NLGN1: variants seen among roughly 807,000 people sequenced by gnomAD.
The protein encoded by NLGN1 is neuroligin-1.
In NLGN1, 12 loss-of-function variants were observed where a neutral mutation model predicts 65.5. The ratio of observed to expected loss-of-function variants is 0.18; its 90% confidence interval spans 0.12 to 0.30. The LOEUF (loss-of-function observed/expected upper bound fraction) is 0.30, where lower values mean the gene tolerates loss of function less well. Ranked by LOEUF, NLGN1 falls within the 10% of genes least tolerant of loss-of-function variation. The pLI is 1.00. For synonymous variants in NLGN1, 350 were observed against 359.5 expected (o/e 0.97, Z 0.30); for missense variants, 750 against 1,007.1 (o/e 0.74, Z 3.46).
intron 4 of NLGN1, among the ~76,000 whole-genome samples, chr3:173,862,737 T>A (rs1015323705): frequency 6.6e-6 from 1 of 152,096 alleles, no homozygotes; most frequent in Non-Finnish European, 1.5e-5. Context: ...CTTCAATGCA[T>A]TGATAATATA....
intron 4 of NLGN1, among the ~76,000 whole-genome samples, chr3:174,183,167 T>A (rs1730760387): frequency 6.6e-6 from 1 of 152,060 alleles, no homozygotes; most frequent in Non-Finnish European, 1.5e-5. Flanking sequence ...CCCGTCCCCA[T>A]TGTCTACTAG....
intron 4 of NLGN1, among the ~76,000 whole-genome samples, chr3:173,847,293 A>G (rs895074242): frequency 2.0e-4 from 31 of 151,334 alleles, no homozygotes; most frequent in African/African-American, 7.1e-4. Context: ...TTGTTTTGCT[A>G]TTTTTTTGGT....
intron 3 of NLGN1, among the ~76,000 whole-genome samples, chr3:173,747,801 CTTTTTTTTTTTTTTTTT>C (rs749749824): frequency 7.8e-5 from 5 of 64,422 alleles, no homozygotes; most frequent in African/African-American, 2.5e-4. Flanking sequence ...TCTTCTTGTT[CTTTTTTTTTTTTTTTTT>C]TTTTTTTTTT....
intron 4 of NLGN1, among the ~76,000 whole-genome samples, chr3:174,112,045 CA>C (rs1301762226): frequency 6.6e-6 from 1 of 151,938 alleles, no homozygotes; most frequent in African/African-American, 2.4e-5. Flanking sequence ...ATGCATAAGA[CA>C]AACAGAAGTT....
At chr3:174,254,691 C>CA (rs926780049) in intron 4 of NLGN1, among the ~76,000 whole-genome samples, 2 of 151,412 alleles carry the variant, frequency 1.3e-5, no homozygotes, top group African/African-American at 4.9e-5. Flanking sequence ...TCTACCAATA[C>CA]AAAAAAAATT....
At chr3:174,208,118 A>T (rs1288313957) in intron 4 of NLGN1, among the ~76,000 whole-genome samples, 1 of 152,194 alleles carries the variant, frequency 6.6e-6, no homozygotes, top group African/African-American at 2.4e-5. Flanking sequence ...GCTCCCCATT[A>T]TTTCCAGGTC....
chr3:173,832,722 A>AT (rs1722857509), intron 4 of NLGN1, among the ~76,000 whole-genome samples: 1 of 152,214 alleles, frequency 6.6e-6, no homozygotes, highest in Admixed American at 6.5e-5. Flanking sequence ...ACTAGTTTTT[A>AT]TTTTTAAAGT....
At chr3:173,638,129 T>C (rs571172104) in intron 3 of NLGN1, among the ~76,000 whole-genome samples, 1 of 152,292 alleles carries the variant, frequency 6.6e-6, no homozygotes, top group South Asian at 2.1e-4. Context: ...GTTCACTTTT[T>C]TTTCAGTATA....
intron 3 of NLGN1, among the ~76,000 whole-genome samples, chr3:173,716,739 C>CGGCAA (rs1769915803): frequency 1.6e-5 from 2 of 121,776 alleles, no homozygotes; most frequent in Admixed American, 8.8e-5. Flanking sequence ...AAAGAGAAAG[C>CGGCAA]TGCATAATGT....
chr3:173,531,067 A>G (rs1454147035), intron 2 of NLGN1, among the ~76,000 whole-genome samples: 1 of 152,096 alleles, frequency 6.6e-6, no homozygotes, highest in African/African-American at 2.4e-5. Flanking sequence ...TAGAATATAC[A>G]ATTACTTTAT....
At chr3:173,661,319 A>G (rs541060409) in intron 3 of NLGN1, among the ~76,000 whole-genome samples, 14 of 152,108 alleles carry the variant, frequency 9.2e-5, no homozygotes, top group South Asian at 2.1e-4. Flanking sequence ...GACTGATGTT[A>G]TCCACGTTTT....
At chr3:173,477,498 C>G (rs943082487) in intron 2 of NLGN1, among the ~76,000 whole-genome samples, 18 of 152,078 alleles carry the variant, frequency 1.2e-4, no homozygotes, top group African/African-American at 4.3e-4. Context: ...GAACTATGAT[C>G]CTGCCAGTGC....
chr3:173,974,997 A>G (rs1343221265), intron 4 of NLGN1, among the ~76,000 whole-genome samples: 3 of 152,050 alleles, frequency 2.0e-5, no homozygotes, highest in Non-Finnish European at 2.9e-5. Context: ...TTCAAAATAC[A>G]GTAGTGACCC....
intron 2 of NLGN1, among the ~76,000 whole-genome samples, chr3:173,501,202 A>G (rs746215012): frequency 8.5e-5 from 13 of 152,070 alleles, no homozygotes; most frequent in South Asian, 2.1e-4. Context: ...TCAACCCATC[A>G]TCTAGGTATT....
At chr3:174,011,690 A>T (rs898233923) in intron 4 of NLGN1, among the ~76,000 whole-genome samples, 2 of 152,100 alleles carry the variant, frequency 1.3e-5, no homozygotes, top group African/African-American at 4.8e-5. Flanking sequence ...AATCTTATTT[A>T]TTCATCTGTA....
intron 2 of NLGN1, among the ~76,000 whole-genome samples, chr3:173,518,987 G>A (rs1425591944): frequency 6.6e-6 from 1 of 152,142 alleles, no homozygotes. Context: ...GGGCCCTGCT[G>A]TCCTGCACAG....
rs546272659 is a variant in NLGN1, at chr3:174,000,938, T to C, written c.646+193106T>C. 1.1e-4 allele frequency among the ~76,000 whole-genome samples: 17 copies of C among 152,226 alleles called. No homozygotes were observed. In the East Asian group the frequency reaches 1.2e-3, roughly 10 times the overall value. ...CTGACTTTCTCTGAATCCCAGGTTA[T>C]CCCGGGAGCCCAGTCAAGGACTCCA... On this transcript the variant is annotated intron_variant, in intron 4 of 6. Transcript: ENST00000457714.
At chr3:173,859,019 T>G (rs186773437) in intron 4 of NLGN1, among the ~76,000 whole-genome samples, 2 of 152,128 alleles carry the variant, frequency 1.3e-5, no homozygotes, top group Non-Finnish European at 2.9e-5. Context: ...TGTTTCTCTC[T>G]GTATTAAAAT....
intron 3 of NLGN1, among the ~76,000 whole-genome samples, chr3:173,760,112 T>C (rs1425190289): frequency 1.3e-5 from 2 of 152,010 alleles, no homozygotes; most frequent in South Asian, 2.1e-4. Context: ...AATTTTTGCA[T>C]TCCTATAAAA....
Sources: allele counts gnomAD v4.1 joint callset (sites outside exome capture counted in the v4.1 genomes callset), GRCh38; gene constraint gnomAD v4.1.1; transcripts MANE v1.5; gene names NCBI Gene and HGNC (gene_info 2026-07-23, HGNC 2026-07-21).